BLOC1S6: variants seen among roughly 807,000 people sequenced by gnomAD.
The protein encoded by BLOC1S6 is biogenesis of lysosome-related organelles complex 1 subunit 6.
A neutral mutation model predicts 24.7 loss-of-function variants in BLOC1S6; 24 were observed. The ratio of observed to expected loss-of-function variants is 0.97; its 90% CI spans 0.70 to 1.37. The LOEUF is 1.37. BLOC1S6 is among the 40% of genes most tolerant of loss of function. BLOC1S6 has a pLI of 0.00. For synonymous variants in BLOC1S6, 76 were observed against 72.6 expected, an observed-to-expected ratio of 1.05 and a Z score of -0.23; for missense variants, 175 against 196.2, an observed-to-expected ratio of 0.89 and a Z score of 0.64.
upstream of BLOC1S6, chr15:45,587,359 G>A: frequency 7.5e-7 from 1 of 1,335,700 alleles, no homozygotes; most frequent in Non-Finnish European, 1.1e-6. Context: ...TCTTCTGTCC[G>A]GCCAGCCGCT....
At chr15:45,596,347 A>G in intron 2 of BLOC1S6, among the ~76,000 whole-genome samples, 1 of 151,790 alleles carries the variant, frequency 6.6e-6, no homozygotes, top group East Asian at 2.0e-4. Flanking sequence ...ACAGGCGCAC[A>G]CCACCACACC....
At chr15:45,600,453 C>T (rs1263522705) in intron 2 of BLOC1S6, among the ~76,000 whole-genome samples, 1 of 151,978 alleles carries the variant, frequency 6.6e-6, no homozygotes, top group Non-Finnish European at 1.5e-5. Flanking sequence ...CAAGGTATTC[C>T]TTATTAAGTT....
At chr15:45,589,071 T>C (rs2140901168) in intron 1 of BLOC1S6, among the ~76,000 whole-genome samples, 1 of 152,320 alleles carries the variant, frequency 6.6e-6, no homozygotes, top group Non-Finnish European at 1.5e-5. Flanking sequence ...GCAAGGAAGC[T>C]CACTGCAGCA....
chr15:45,592,129 G>T lies in BLOC1S6; in HGVS notation c.83-6G>T. On this transcript the variant is annotated splice_region_variant and splice_polypyrimidine_tract_variant and intron_variant, in intron 1 of 4. Coordinates refer to ENST00000220531, the MANE Select transcript of BLOC1S6 (RefSeq NM_012388.4). ...GGTTCCTAAATTTGATTTTTGCTGGGGACAGGTTTAAGTGACACTTCTCCA... is the reference window on the plus strand; with the variant it reads ...GGTTCCTAAATTTGATTTTTGCTGGTGACAGGTTTAAGTGACACTTCTCCA... 6.2e-7 allele frequency: 1 copy of T among 1,613,872 alleles called. No individual in the cohort carries two copies. Among genetic ancestry groups the T allele is most frequent in the Non-Finnish European group, 8.5e-7 (1 of 1,179,972 alleles).
intron 1 of BLOC1S6, chr15:45,587,859 A>C: frequency 1.5e-6 from 1 of 671,920 alleles, no homozygotes; most frequent in East Asian, 2.7e-5. Context: ...AAAGATGATC[A>C]GCTTATAATT....
intron 3 of BLOC1S6, among the ~76,000 whole-genome samples, chr15:45,604,106 T>A (rs1894361241): frequency 6.6e-6 from 1 of 152,134 alleles, no homozygotes; most frequent in Non-Finnish European, 1.5e-5. Flanking sequence ...CAGTGACTTA[T>A]GACTGTAATC....
chr15:45,602,397 A>T, intron 2 of BLOC1S6: 2 of 668,080 alleles, frequency 3.0e-6, no homozygotes, highest in Non-Finnish European at 5.4e-6. Context: ...TTTTAATGTC[A>T]CTTATTCCTG....
chr15:45,600,520 T>C (rs1028519503), intron 2 of BLOC1S6, among the ~76,000 whole-genome samples: 2 of 152,210 alleles, frequency 1.3e-5, no homozygotes, highest in African/African-American at 4.8e-5. Flanking sequence ...GAATAGATGC[T>C]GGATTTTGTC....
At chr15:45,589,415 T>C (rs1173194044) in intron 1 of BLOC1S6, among the ~76,000 whole-genome samples, 4 of 152,236 alleles carry the variant, frequency 2.6e-5, no homozygotes, top group Admixed American at 2.0e-4. Context: ...TTTTAAGTTT[T>C]TACAGTGAGT....
chr15:45,597,666 C>A (rs1468172374), intron 2 of BLOC1S6, among the ~76,000 whole-genome samples: 1 of 152,102 alleles, frequency 6.6e-6, no homozygotes, highest in Non-Finnish European at 1.5e-5. Flanking sequence ...TTTTAAATTT[C>A]AAATTCATTG....
intron 2 of BLOC1S6, among the ~76,000 whole-genome samples, chr15:45,600,245 T>C (rs1894224982): frequency 6.7e-6 from 1 of 149,046 alleles, no homozygotes; most frequent in African/African-American, 2.5e-5. Flanking sequence ...GACGAGTTAG[T>C]GGGTGCAGTG....
Position 45,587,605 on chromosome 15 carries a change from C to T in BLOC1S6, c.82+80C>T. ...CTGAGTGAGTAGAACTCCGGAGAAA[C>T]CCTGGGGGAGTAAGCGGTTTTTGGC... On this transcript the variant is annotated intron_variant, in intron 1 of 4. Coordinates refer to ENST00000220531, the MANE Select transcript of BLOC1S6 (RefSeq NM_012388.4). 2.9e-6 allele frequency: 4 copies of T among 1,389,970 alleles called. No individual in the cohort carries two copies. The South Asian group carries it at 3.7e-5, about 13-fold the overall frequency. The allele number at this position is 1,389,970 out of a possible 1,614,324, so 86.1% of individuals were successfully genotyped here.
chr15:45,595,173 C>G (rs981017996), intron 2 of BLOC1S6, among the ~76,000 whole-genome samples: 1 of 152,162 alleles, frequency 6.6e-6, no homozygotes, highest in South Asian at 2.1e-4. Flanking sequence ...GAGACCCTAT[C>G]TCAACAACAA....
chr15:45,591,957 A>T (rs997545556), intron 1 of BLOC1S6, 178 bp from the exon 2 acceptor site: 7 of 678,944 alleles, frequency 1.0e-5, no homozygotes, highest in Non-Finnish European at 1.7e-5. Flanking sequence ...ACCTCCTTTT[A>T]TTAGCTGTGT....
intron 3 of BLOC1S6, among the ~76,000 whole-genome samples, chr15:45,604,464 A>G (rs1262854244): frequency 1.3e-5 from 2 of 152,148 alleles, no homozygotes; most frequent in African/African-American, 4.8e-5. Flanking sequence ...TCCTGTTGCA[A>G]CAGAAGGAAT....
rs536900937 is a variant in BLOC1S6, at chr15:45,606,059, A to G, written c.400-336A>G. On this transcript the variant is annotated intron_variant, in intron 4 of 4. Coordinates refer to ENST00000220531, the MANE Select transcript of BLOC1S6 (RefSeq NM_012388.4). Reference sequence around the variant, plus strand: ...GAGCTCAAGCAGCCCTCTGGCCTCGACCTCCCTAAGTGCTGGGATTACAGA... The same window carrying G: ...GAGCTCAAGCAGCCCTCTGGCCTCGGCCTCCCTAAGTGCTGGGATTACAGA... Among the ~76,000 whole-genome samples the G allele has an allele frequency of 6.7e-4, 102 of 151,944 alleles. 2 individuals carry two copies. The South Asian group carries it at 0.021, about 31-fold the overall frequency.
In BLOC1S6 at chr15:45,606,501, C is replaced by A. The variant is rs1230527510; in HGVS notation, c.506C>A (p.Ala169Asp). ...GAAAAGCAGTTAACTGCCAGACCAG[C>A]CAAAAGGATGTGAAAAGTTGTGTTT... ...EREKQLTARP[A>D]KRM The change falls in exon 5 of 5, where the codon GCC becomes GAC. Residue 169 changes from alanine to aspartate, a missense_variant. Coordinates refer to ENST00000220531, the MANE Select transcript of BLOC1S6 (RefSeq NM_012388.4). 1 of 1,614,050 alleles carries A rather than the reference C, an allele frequency of 6.2e-7. No individual in the cohort carries two copies. Among genetic ancestry groups the A allele is most frequent in the Admixed American group, 1.7e-5 (1 of 60,004 alleles).
intron 2 of BLOC1S6, among the ~76,000 whole-genome samples, chr15:45,601,971 C>A (rs916779197): frequency 6.6e-6 from 1 of 152,136 alleles, no homozygotes; most frequent in African/African-American, 2.4e-5. Context: ...GTTTCTAACT[C>A]CTGGGCTCAA....
chr15:45,600,599 T>G (rs1894239192), intron 2 of BLOC1S6, among the ~76,000 whole-genome samples: 1 of 152,196 alleles, frequency 6.6e-6, no homozygotes, highest in African/African-American at 2.4e-5. Flanking sequence ...ATGTGGTAGA[T>G]TACATTGATT....
Sources: gnomAD v4.1 joint callset for allele counts (sites outside exome capture counted in the v4.1 genomes callset) on GRCh38, gnomAD v4.1.1 for gene constraint, MANE v1.5 for transcripts, NCBI Gene and HGNC (gene_info 2026-07-23, HGNC 2026-07-21) for gene names.